The following MYO16 variants were observed in gnomAD, a reference collection of about 807,000 sequenced individuals.
MYO16 encodes unconventional myosin-XVI.
A neutral mutation model predicts 205.3 loss-of-function variants in MYO16; 94 were observed. The ratio of observed to expected loss-of-function variants is 0.46; its 90% CI spans 0.39 to 0.54. The LOEUF is 0.54. MYO16 is among the 20% of genes least tolerant of loss of function. The pLI is 0.00. For synonymous variants in MYO16, 988 were observed against 954.0 expected (o/e 1.04, Z -0.66); for missense variants, 2,315 against 2,387.5 (o/e 0.97, Z 0.63).
At chr13:109,047,045 A>C (rs1887068564) in intron 24 of MYO16, 54 bp downstream of exon 24, 1 of 1,268,602 alleles carries the variant, frequency 7.9e-7, no homozygotes, top group Non-Finnish European at 1.1e-6. Context: ...TGCATCCGTT[A>C]TTTCTTTATC....
the MYO16 span, among the ~76,000 whole-genome samples, chr13:108,559,217 G>C: frequency 1.3e-5 from 2 of 152,112 alleles, no homozygotes; most frequent in African/African-American, 4.8e-5. Flanking sequence ...AGAGGGAAGA[G>C]TGTGTGAAGA....
intron 32 of MYO16, among the ~76,000 whole-genome samples, chr13:109,157,428 G>C (rs1406455042): frequency 6.6e-6 from 1 of 151,912 alleles, no homozygotes; most frequent in Non-Finnish European, 1.5e-5. Context: ...CTGCCTCTGC[G>C]GCATTCCCTT....
intron 2 of MYO16, among the ~76,000 whole-genome samples, chr13:108,684,860 C>T (rs1378865405): frequency 1.3e-5 from 2 of 152,178 alleles, no homozygotes; most frequent in Admixed American, 6.5e-5. Flanking sequence ...AGCTCCATGC[C>T]TGGCCCCAGA....
chr13:108,609,857 T>A (rs1180863327), intron 1 of MYO16, among the ~76,000 whole-genome samples: 2 of 152,096 alleles, frequency 1.3e-5, no homozygotes, highest in Non-Finnish European at 2.9e-5. Flanking sequence ...CCTCATGGAA[T>A]GGCCCTGCAT....
intron 1 of MYO16, among the ~76,000 whole-genome samples, chr13:108,647,091 C>T (rs941898609): frequency 8.5e-5 from 13 of 152,080 alleles, no homozygotes; most frequent in Admixed American, 7.2e-4. Flanking sequence ...GATGGTTTTA[C>T]CTTTATTCTT....
chr13:108,842,435 T>G (rs559769536), intron 9 of MYO16, among the ~76,000 whole-genome samples: 4 of 152,254 alleles, frequency 2.6e-5, no homozygotes, highest in South Asian at 2.1e-4. Context: ...CCTCTAAGTT[T>G]TTAATATGAG....
At chr13:108,928,660 T>A (rs1304782077) in intron 16 of MYO16, among the ~76,000 whole-genome samples, 4 of 151,804 alleles carry the variant, frequency 2.6e-5, no homozygotes, top group African/African-American at 7.3e-5. Context: ...ACATTTACAA[T>A]TTATGTCAAG....
At chr13:108,576,313 T>A in the MYO16 span, among the ~76,000 whole-genome samples, 1 of 152,158 alleles carries the variant, frequency 6.6e-6, no homozygotes, top group Non-Finnish European at 1.5e-5. Context: ...GCTCTGTACA[T>A]CCCTGGAGGG....
At chr13:109,203,130 A>G (rs7325918) in intron 34 of MYO16, among the ~76,000 whole-genome samples, 28,131 of 152,186 alleles carry the variant, frequency 0.18, 2,811 homozygotes, top group East Asian at 0.27. Context: ...TCTAGACATT[A>G]GCTTAGGCAA....
At chr13:108,647,808 T>G (rs1880820144) in intron 1 of MYO16, among the ~76,000 whole-genome samples, 1 of 152,224 alleles carries the variant, frequency 6.6e-6, no homozygotes, top group African/African-American at 2.4e-5. Flanking sequence ...CTTATTAAAC[T>G]TGTAACCATC....
At chr13:108,674,528 C>T (rs1882120939) in intron 2 of MYO16, among the ~76,000 whole-genome samples, 1 of 152,148 alleles carries the variant, frequency 6.6e-6, no homozygotes, top group South Asian at 2.1e-4. Context: ...CCCTGACCTC[C>T]CACAACCAGC....
rs150563679 is a variant in MYO16 at position 108,824,159 on chromosome 13, G to C, written c.1097+881G>C. Among the ~76,000 whole-genome samples the C allele has an allele frequency of 3.0e-4, 45 of 152,076 alleles. No individual in the cohort carries two copies. The East Asian group carries it at 8.5e-3, about 29-fold the overall frequency. ...CCTTCATGAACAGCAGTCAGGTAAAGAAATTGTGTACCCAGAGCAATATTA... is the reference window on the plus strand; with the variant it reads ...CCTTCATGAACAGCAGTCAGGTAAACAAATTGTGTACCCAGAGCAATATTA... On this transcript the variant is annotated intron_variant, in intron 9 of 34. Coordinates refer to ENST00000457511, the MANE Select transcript of MYO16 (RefSeq NM_001198950.3).
intron 16 of MYO16, among the ~76,000 whole-genome samples, chr13:108,928,406 T>A (rs1246959224): frequency 1.3e-5 from 2 of 152,344 alleles, no homozygotes; most frequent in African/African-American, 4.8e-5. Flanking sequence ...GAATATTATA[T>A]GTTATGGCAT....
At chr13:108,718,791 C>T (rs765147643) in intron 3 of MYO16, among the ~76,000 whole-genome samples, 6 of 152,072 alleles carry the variant, frequency 3.9e-5, no homozygotes, top group Non-Finnish European at 7.4e-5. Context: ...ACATCCATAA[C>T]TGGAAAGTCC....
At chr13:109,084,576 A>G (rs79195926) in intron 27 of MYO16, among the ~76,000 whole-genome samples, 19,575 of 152,218 alleles carry the variant, frequency 0.13, 1,554 homozygotes, top group Middle Eastern at 0.18. Context: ...ACATCCGTGA[A>G]TCATTATTAG....
the MYO16 span, among the ~76,000 whole-genome samples, chr13:108,536,098 G>A: frequency 3.3e-5 from 5 of 152,182 alleles, no homozygotes; most frequent in Admixed American, 2.0e-4. Context: ...ATTGCTAGAT[G>A]CGGTAATTTT....
At chr13:108,980,275 G>A (rs1412105714) in intron 20 of MYO16, among the ~76,000 whole-genome samples, 1 of 152,176 alleles carries the variant, frequency 6.6e-6, no homozygotes, top group Admixed American at 6.5e-5. Context: ...AGCCAAGAGT[G>A]CAGAGGCTAA....
chr13:109,188,932 A>G lies in MYO16; in HGVS notation c.5415+9299A>G, dbSNP rs376385113. Among the ~76,000 whole-genome samples the G allele has an allele frequency of 5.7e-4, 87 of 152,218 alleles. No individual in the cohort carries two copies. The East Asian group carries it at 0.012, about 22-fold the overall frequency. ...AACCTGGAGAAAACCTGTCTCTACT[A>G]AAAATACAAAAGTTAGCTGGGCGTG... On this transcript the variant is annotated intron_variant, in intron 34 of 34. Coordinates refer to ENST00000457511, the MANE Select transcript of MYO16 (RefSeq NM_001198950.3).
At chr13:109,174,192 A>C (rs1267194447) in intron 33 of MYO16, among the ~76,000 whole-genome samples, 3 of 152,212 alleles carry the variant, frequency 2.0e-5, no homozygotes, top group Non-Finnish European at 2.9e-5. Flanking sequence ...CAGCACTCTT[A>C]AGAAGGGAAG....
Sources: gnomAD v4.1 joint callset for allele counts (sites outside exome capture counted in the v4.1 genomes callset) on GRCh38, gnomAD v4.1.1 for gene constraint, MANE v1.5 for transcripts, NCBI Gene and HGNC (gene_info 2026-07-23, HGNC 2026-07-21) for gene names.